Variants in CAPRIN1 observed in about 807,000 individuals in gnomAD.
The protein encoded by CAPRIN1 is cell cycle associated protein 1, also known as caprin-1.
A neutral mutation model predicts 100.9 loss-of-function variants in CAPRIN1; 29 were observed. The ratio of observed to expected loss-of-function variants is 0.29; its 90% CI spans 0.21 to 0.39. The LOEUF is 0.39. Ranked by LOEUF, CAPRIN1 falls within the 10% of genes least tolerant of loss-of-function variation. The pLI is 1.00. For missense variants in CAPRIN1, 795 were observed against 876.7 expected (o/e 0.91, Z 1.18); for synonymous variants, 338 against 307.5 (o/e 1.10, Z -1.04).
intron 4 of CAPRIN1, among the ~76,000 whole-genome samples, chr11:34,075,149 C>T (rs76572674): frequency 6.6e-6 from 1 of 151,814 alleles, no homozygotes; most frequent in Non-Finnish European, 1.5e-5. Context: ...CCATTTATTG[C>T]TAAGATATTT....
chr11:34,102,522 C>T lies in CAPRIN1; in HGVS notation c.*3155C>T, dbSNP rs1851467483. Among the ~76,000 whole-genome samples, 1 of 152,184 alleles carries T rather than the reference C, an allele frequency of 6.6e-6. No individual in the cohort carries two copies. Among genetic ancestry groups the T allele is most frequent in the South Asian group, 2.1e-4 (1 of 4,834 alleles). On this transcript the variant is annotated 3_prime_UTR_variant, in exon 19 of 19. Coordinates refer to ENST00000341394, the MANE Select transcript of CAPRIN1 (RefSeq NM_005898.5). ...AAAGTAAATTGTTAAGGCTCATCTT[C>T]ATACCTTTTTCCATTTTGAATCCTA...
chr11:34,094,819 TAAATA>T (rs552190790), intron 15 of CAPRIN1, among the ~76,000 whole-genome samples: 97 of 152,316 alleles, frequency 6.4e-4, no homozygotes, highest in Middle Eastern at 3.4e-3. Flanking sequence ...AAGTGAAAAT[TAAATA>T]AAATAAAGAT....
chr11:34,062,281 G>A (rs1159171355), intron 2 of CAPRIN1, among the ~76,000 whole-genome samples: 1 of 152,178 alleles, frequency 6.6e-6, no homozygotes, highest in Non-Finnish European at 1.5e-5. Flanking sequence ...TTGTCTAAGT[G>A]AAGAACAGAG....
intron 9 of CAPRIN1, among the ~76,000 whole-genome samples, chr11:34,084,758 G>A (rs1851105504): frequency 6.6e-6 from 1 of 152,172 alleles, no homozygotes; most frequent in Admixed American, 6.6e-5. Context: ...GGGATGTATA[G>A]CATGGATGTA....
chr11:34,061,090 G>T (rs1237040027), intron 2 of CAPRIN1, among the ~76,000 whole-genome samples: 1 of 151,926 alleles, frequency 6.6e-6, no homozygotes, highest in Non-Finnish European at 1.5e-5. Flanking sequence ...GTTTTTACAG[G>T]ATTGGCTTTT....
chr11:34,056,738 G>T (rs528476210), intron 2 of CAPRIN1, among the ~76,000 whole-genome samples: 1 of 152,270 alleles, frequency 6.6e-6, no homozygotes, highest in South Asian at 2.1e-4. Flanking sequence ...TAGAATAAAG[G>T]ATGTTTTAAT....
intron 6 of CAPRIN1, 113 bp from the exon 7 acceptor site, chr11:34,079,515 G>C (rs539389646): frequency 0.082 from 61,447 of 751,730 alleles, 2,975 homozygotes; most frequent in Middle Eastern, 0.12. Context: ...ATGTGTATAT[G>C]TGTTTTAGTA....
At chr11:34,089,335 A>T in intron 11 of CAPRIN1, 60 bp from the exon 12 acceptor site, 1 of 663,880 alleles carries the variant, frequency 1.5e-6, no homozygotes, top group Non-Finnish European at 2.5e-6. Context: ...AAAGGTATTT[A>T]GACGCGTCTC....
Position 34,081,485 on chromosome 11 carries a change from C to T in CAPRIN1, c.827-1340C>T, listed in dbSNP as rs1194802557. ...AAGTGCTGGGATTACAGGCATGAGCCACTGTGCCCAGCCTTTTTTTTTTTT... is the reference window on the plus strand; with the variant it reads ...AAGTGCTGGGATTACAGGCATGAGCTACTGTGCCCAGCCTTTTTTTTTTTT... On this transcript the variant is annotated intron_variant, in intron 7 of 18. Coordinates refer to ENST00000341394, the MANE Select transcript of CAPRIN1 (RefSeq NM_005898.5). Among the ~76,000 whole-genome samples, 4 of 151,162 alleles carry T rather than the reference C, an allele frequency of 2.6e-5. No homozygotes were observed. In the East Asian group the frequency reaches 7.7e-4, roughly 29 times the overall value.
intron 2 of CAPRIN1, among the ~76,000 whole-genome samples, chr11:34,065,905 T>C (rs1323609062): frequency 6.6e-6 from 1 of 152,246 alleles, no homozygotes; most frequent in Non-Finnish European, 1.5e-5. Flanking sequence ...TAGAAAATGT[T>C]AACAGCCATG....
chr11:34,098,291 A>G (rs950623112), intron 18 of CAPRIN1: 2 of 984,578 alleles, frequency 2.0e-6, no homozygotes, highest in South Asian at 4.7e-5. Context: ...TGATATAAAT[A>G]TCAAGTTATT....
intron 5 of CAPRIN1, 36 bp from the exon 6 acceptor site, chr11:34,076,524 C>G (rs200725074): frequency 1.2e-6 from 2 of 1,606,556 alleles, no homozygotes. Context: ...AAGTTGACAA[C>G]TGAAAGGTTA....
chr11:34,060,216 A>G (rs1850548067), intron 2 of CAPRIN1, among the ~76,000 whole-genome samples: 1 of 151,450 alleles, frequency 6.6e-6, no homozygotes, highest in Non-Finnish European at 1.5e-5. Context: ...AAAAAAAAAA[A>G]AAGCTGGGTA....
chr11:34,088,716 C>G (rs1277280807), intron 11 of CAPRIN1, among the ~76,000 whole-genome samples: 2 of 151,974 alleles, frequency 1.3e-5, no homozygotes. Context: ...TGTCTGAGGT[C>G]TAGAGTATGA....
At chr11:34,090,350 T>G (rs1851238229) in intron 13 of CAPRIN1, 61 bp downstream of exon 13, 1 of 1,274,370 alleles carries the variant, frequency 7.8e-7, no homozygotes, top group Non-Finnish European at 1.1e-6. Flanking sequence ...ATTGAACAGA[T>G]GTACATTACC....
intron 2 of CAPRIN1, 66 bp from the exon 3 acceptor site, chr11:34,071,660 C>G: frequency 2.7e-6 from 3 of 1,106,628 alleles, no homozygotes; most frequent in Non-Finnish European, 4.1e-6. Flanking sequence ...AGGGTTTTGT[C>G]AAGCATGCTT....
At chr11:34,056,080 T>A (rs1850443676) in intron 2 of CAPRIN1, among the ~76,000 whole-genome samples, 1 of 152,212 alleles carries the variant, frequency 6.6e-6, no homozygotes, top group Non-Finnish European at 1.5e-5. Context: ...GCTTTACAAA[T>A]CAGTTTTGAA....
intron 6 of CAPRIN1, among the ~76,000 whole-genome samples, chr11:34,077,000 G>T (rs1428537755): frequency 6.6e-6 from 1 of 152,200 alleles, no homozygotes; most frequent in Non-Finnish European, 1.5e-5. Flanking sequence ...CTCCCAGAGT[G>T]CTGGGATTAC....
At chr11:34,064,813 C>G (rs1850653887) in intron 2 of CAPRIN1, among the ~76,000 whole-genome samples, 1 of 152,056 alleles carries the variant, frequency 6.6e-6, no homozygotes, top group Non-Finnish European at 1.5e-5. Flanking sequence ...AACGAGTGTT[C>G]TCTTTATGAA....
Sources: gnomAD v4.1 joint callset for allele counts (sites outside exome capture counted in the v4.1 genomes callset) on GRCh38, gnomAD v4.1.1 for gene constraint, MANE v1.5 for transcripts, NCBI Gene and HGNC (gene_info 2026-07-23, HGNC 2026-07-21) for gene names.